The following ABCC4 variants were observed in gnomAD, a reference collection of about 807,000 sequenced individuals.
The protein encoded by ABCC4 is ATP binding cassette subfamily C member 4 (PEL blood group).
In ABCC4, 102 loss-of-function variants were observed where a neutral mutation model predicts 168.5. The observed-to-expected ratio is 0.61, with a 90% CI of 0.52 to 0.71. The LOEUF (loss-of-function observed/expected upper bound fraction) is 0.71, where lower values mean the gene tolerates loss of function less well. Ranked by LOEUF, ABCC4 falls within the 30% of genes least tolerant of loss-of-function variation. The pLI, the probability that ABCC4 is intolerant of heterozygous loss-of-function variation, is 0.00. For missense variants in ABCC4, 1,402 were observed against 1,605.8 expected, an observed-to-expected ratio of 0.87 and a Z score of 2.17; for synonymous variants, 617 against 590.7, an observed-to-expected ratio of 1.04 and a Z score of -0.65.
intron 20 of ABCC4, among the ~76,000 whole-genome samples, chr13:95,105,696 C>A (rs1266179809): frequency 1.3e-5 from 2 of 152,106 alleles, no homozygotes; most frequent in Non-Finnish European, 2.9e-5. Flanking sequence ...CTCGGCACTG[C>A]TGGACACTGA....
In ABCC4 at chr13:95,044,413, T is replaced by C. The variant is rs772385215; in HGVS notation, c.3482A>G (p.Asp1161Gly). 5.6e-6 allele frequency: 9 copies of C among 1,612,222 alleles called. No individual in the cohort carries two copies. The highest frequency in any genetic ancestry group is 2.2e-5 in the South Asian group (2 of 90,534). ...TTCAGTATCCATTTTACCAGGAAGA[T>C]CTTCAATGGTTTCTTTAAGTTGTAC... Reference protein sequence around the residue: ...QEVQLKETIEDLPGKMDTELA... With the variant: ...QEVQLKETIEGLPGKMDTELA... The change falls in exon 28 of 31, where the codon GAT becomes GGT. Residue 1161 changes from aspartate (D) to glycine (G), a missense_variant. Asp to Gly is a moderately conservative substitution (Grantham distance 94). Transcript: ENST00000645237.
At chr13:95,054,298 A>T (rs953043285) in intron 26 of ABCC4, among the ~76,000 whole-genome samples, 1 of 152,100 alleles carries the variant, frequency 6.6e-6, no homozygotes, top group Non-Finnish European at 1.5e-5. Context: ...CTTCAGGAGG[A>T]TCCCACAATT....
chr13:95,131,205 A>G (rs1457678953), intron 19 of ABCC4, among the ~76,000 whole-genome samples: 1 of 152,150 alleles, frequency 6.6e-6, no homozygotes, highest in East Asian at 1.9e-4. Context: ...ATCTAAACAC[A>G]GTTTGTGTTT....
At chr13:95,177,168 T>C (rs1229241569) in intron 13 of ABCC4, among the ~76,000 whole-genome samples, 2 of 152,244 alleles carry the variant, frequency 1.3e-5, no homozygotes, top group Non-Finnish European at 2.9e-5. Flanking sequence ...CATTCTTAAA[T>C]TCTAGATTTT....
At chr13:95,176,244 G>T (rs61444886) in intron 13 of ABCC4, among the ~76,000 whole-genome samples, 1,504 of 44,658 alleles carry the variant, frequency 0.034, 94 homozygotes, top group East Asian at 0.062. Context: ...GGGGGGGGGG[G>T]GTGGATCCCT....
At chr13:95,045,041 T>C (rs923133544) in intron 27 of ABCC4, among the ~76,000 whole-genome samples, 2 of 152,160 alleles carry the variant, frequency 1.3e-5, no homozygotes, top group Admixed American at 6.5e-5. Flanking sequence ...ATAGAGTTGT[T>C]GGAAAAAAAT....
chr13:95,047,744 A>G (rs2032653196), intron 27 of ABCC4, among the ~76,000 whole-genome samples: 1 of 152,074 alleles, frequency 6.6e-6, no homozygotes, highest in Non-Finnish European at 1.5e-5. Flanking sequence ...CGGCCTCCCA[A>G]AGTGCTGGGA....
chr13:95,138,476 T>C (rs1171492181), intron 19 of ABCC4, among the ~76,000 whole-genome samples: 1 of 152,144 alleles, frequency 6.6e-6, no homozygotes, highest in Non-Finnish European at 1.5e-5. Context: ...AAATGTGAAC[T>C]AAGTGTCAGA....
At chr13:95,029,167 CAT>C (rs67576340) in intron 30 of ABCC4, among the ~76,000 whole-genome samples, 5,418 of 82,816 alleles carry the variant, frequency 0.065, 399 homozygotes, top group Admixed American at 0.12. Flanking sequence ...AAAAAAAATA[CAT>C]ATATATATAT....
intron 8 of ABCC4, among the ~76,000 whole-genome samples, chr13:95,201,951 C>T (rs1594288382): frequency 1.3e-5 from 2 of 151,936 alleles, no homozygotes; most frequent in Admixed American, 6.6e-5. Flanking sequence ...CCAGCCTAGC[C>T]GACAGAGTGA....
rs1210894122 is a variant in ABCC4, at chr13:95,189,160, G to T, written c.1264-618C>A. ...TTTTTTTTTTTTTTTTTGAGACGGAGTCTCGTTCTGTCGCCCAGGCGGGAG... is the reference window on the plus strand; with the variant it reads ...TTTTTTTTTTTTTTTTTGAGACGGATTCTCGTTCTGTCGCCCAGGCGGGAG... On this transcript the variant is annotated intron_variant, in intron 9 of 30. Coordinates refer to ENST00000645237, the MANE Select transcript of ABCC4 (RefSeq NM_005845.5). 4.4e-5 allele frequency among the ~76,000 whole-genome samples: 5 copies of T among 113,596 alleles called. No homozygotes were observed. In the Admixed American group the frequency reaches 4.7e-4, roughly 11 times the overall value. The allele number at this position is 113,596 out of a possible 152,430, so 74.5% of individuals were successfully genotyped here. A position where few individuals can be genotyped will look rare whatever the true frequency, so the allele number is the denominator to read the frequency against.
At chr13:95,039,478 T>C (rs1228162448) in intron 29 of ABCC4, among the ~76,000 whole-genome samples, 1 of 152,218 alleles carries the variant, frequency 6.6e-6, no homozygotes, top group East Asian at 1.9e-4. Context: ...AAAACAGTCC[T>C]GAAATCTCCT....
chr13:95,113,094 T>C (rs1243137570), intron 20 of ABCC4, among the ~76,000 whole-genome samples: 1 of 152,196 alleles, frequency 6.6e-6, no homozygotes, highest in African/African-American at 2.4e-5. Flanking sequence ...AGGCTTCCTG[T>C]ATGGCTCACC....
At chr13:95,069,019 CT>C (rs1218282406) in intron 25 of ABCC4, among the ~76,000 whole-genome samples, 6 of 152,196 alleles carry the variant, frequency 3.9e-5, no homozygotes, top group South Asian at 2.1e-4. Flanking sequence ...GAGGAATCAG[CT>C]TTTGCTGGTT....
intron 8 of ABCC4, among the ~76,000 whole-genome samples, chr13:95,199,258 G>C (rs114902145): frequency 1.9e-3 from 288 of 152,334 alleles, no homozygotes; most frequent in African/African-American, 6.4e-3. Flanking sequence ...ATATTGGGCA[G>C]AACTATTCCT....
chr13:95,186,301 G>GAATC (rs2038056385), intron 11 of ABCC4, among the ~76,000 whole-genome samples: 1 of 152,184 alleles, frequency 6.6e-6, no homozygotes, highest in Admixed American at 6.5e-5. Flanking sequence ...TGGGTTGGGG[G>GAATC]TGGAGCTAGC....
chr13:95,064,486 TACACACAC>T (rs1221472607), intron 25 of ABCC4, among the ~76,000 whole-genome samples: 2 of 129,818 alleles, frequency 1.5e-5, no homozygotes, highest in African/African-American at 2.8e-5. Flanking sequence ...CTCACACACA[TACACACAC>T]ACACACGTGT....
At chr13:95,260,364 C>A (rs1245157725) in intron 1 of ABCC4, among the ~76,000 whole-genome samples, 1 of 152,104 alleles carries the variant, frequency 6.6e-6, no homozygotes, top group African/African-American at 2.4e-5. Context: ...CACCTAGAAC[C>A]GCAACCTAAA....
intron 3 of ABCC4, among the ~76,000 whole-genome samples, chr13:95,241,171 T>C (rs1486793706): frequency 2.0e-5 from 3 of 152,004 alleles, no homozygotes; most frequent in Non-Finnish European, 2.9e-5. Flanking sequence ...GAGACCATCC[T>C]GGCCAACATG....
Sources: allele counts gnomAD v4.1 joint callset (sites outside exome capture counted in the v4.1 genomes callset), GRCh38; gene constraint gnomAD v4.1.1; transcripts MANE v1.5; gene names NCBI Gene and HGNC (gene_info 2026-07-23, HGNC 2026-07-21).